Variants in PDE11A observed in about 807,000 individuals in gnomAD.
PDE11A encodes the protein phosphodiesterase 11A, also known as dual 3',5'-cyclic-AMP and -GMP phosphodiesterase 11A.
PDE11A carries 100 observed loss-of-function variants against 100.5 expected under a neutral mutation model. The observed-to-expected ratio is 1.00, with a 90% CI of 0.85 to 1.18. The LOEUF is 1.18. Ranked by LOEUF, PDE11A falls within the 50% of genes most tolerant of loss-of-function variation. PDE11A has a pLI of 0.00. For missense variants in PDE11A, 1,141 were observed against 1,152.6 expected (o/e 0.99, Z 0.15); for synonymous variants, 381 against 420.8 (o/e 0.91, Z 1.16).
chr2:178,054,372 T>A (rs932971039), intron 1 of PDE11A, among the ~76,000 whole-genome samples: 4 of 152,216 alleles, frequency 2.6e-5, no homozygotes, highest in Non-Finnish European at 5.9e-5. Context: ...GACTTAAATG[T>A]TTGACCTAAA....
intron 19 of PDE11A, among the ~76,000 whole-genome samples, chr2:177,641,900 G>C (rs778230164): frequency 6.6e-6 from 1 of 152,116 alleles, no homozygotes; most frequent in Non-Finnish European, 1.5e-5. Context: ...GCTTCATATA[G>C]TTTATCTCAT....
At chr2:177,831,832 G>A (rs1460649381) in intron 6 of PDE11A, among the ~76,000 whole-genome samples, 1 of 152,172 alleles carries the variant, frequency 6.6e-6, no homozygotes, top group African/African-American at 2.4e-5. Flanking sequence ...AACTGATGCA[G>A]GGATTGTAAA....
Position 177,624,622 on chromosome 2 carries a change from T to C in PDE11A, c.*4785A>G, listed in dbSNP as rs1259014196. 1 of 152,232 alleles carries C rather than the reference T, an allele frequency of 6.6e-6. No individual in the cohort carries two copies. The highest frequency in any genetic ancestry group is 6.5e-5 in the Admixed American group (1 of 15,280). The allele number at this position is 152,232 out of a possible 1,614,324, so 9.4% of individuals were successfully genotyped here. ...ACCCAATGTATTTGCAAATATACAA[T>C]ACCTGGAAATGCATAGACATCTCAG... On this transcript the variant is annotated 3_prime_UTR_variant, in exon 20 of 20. Coordinates refer to ENST00000286063, the MANE Select transcript of PDE11A (RefSeq NM_016953.4).
intron 2 of PDE11A, among the ~76,000 whole-genome samples, chr2:177,916,157 G>A (rs1418366119): frequency 6.6e-6 from 1 of 152,034 alleles, no homozygotes; most frequent in African/African-American, 2.4e-5. Context: ...ATATTCCCGG[G>A]TTCAGTCTTT....
chr2:177,963,379 C>T (rs1391769274), intron 2 of PDE11A, among the ~76,000 whole-genome samples: 1 of 151,886 alleles, frequency 6.6e-6, no homozygotes, highest in African/African-American at 2.4e-5. Flanking sequence ...GATATGGTGA[C>T]CTACACTCCT....
chr2:177,685,137 G>A (rs1258040211), intron 15 of PDE11A, among the ~76,000 whole-genome samples: 1 of 152,180 alleles, frequency 6.6e-6, no homozygotes, highest in Non-Finnish European at 1.5e-5. Flanking sequence ...ACATGTAGTA[G>A]AAGCTCAATA....
chr2:178,057,541 G>T (rs2086913170), intron 1 of PDE11A, among the ~76,000 whole-genome samples: 1 of 152,154 alleles, frequency 6.6e-6, no homozygotes, highest in Admixed American at 6.5e-5. Flanking sequence ...TTGCCCAAAA[G>T]ATATCACCAC....
At position 177,628,472 on chromosome 2, in the gene PDE11A, A is replaced by G. The variant is rs2079869240; in HGVS notation, c.*935T>C. The G allele has an allele frequency of 6.6e-6, 1 of 152,644 alleles. No homozygotes were observed. The highest frequency in any genetic ancestry group is 1.5e-5 in the Non-Finnish European group (1 of 68,030). The allele number at this position is 152,644 out of a possible 1,614,324, so 9.5% of individuals were successfully genotyped here. On this transcript the variant is annotated 3_prime_UTR_variant, in exon 20 of 20. Coordinates refer to ENST00000286063, the MANE Select transcript of PDE11A (RefSeq NM_016953.4). ...TCTTACACTTAAGGAAAAATCCAAAATTAGGGACCCCTATAGTTTGCTTTA... is the reference window on the plus strand; with the variant it reads ...TCTTACACTTAAGGAAAAATCCAAAGTTAGGGACCCCTATAGTTTGCTTTA...
intron 12 of PDE11A, among the ~76,000 whole-genome samples, chr2:177,717,423 G>A (rs1476059932): frequency 2.6e-5 from 4 of 151,892 alleles, no homozygotes; most frequent in African/African-American, 7.3e-5. Flanking sequence ...ACAGAGAGGC[G>A]GCAGGAAGTA....
At chr2:178,103,845 C>T (rs1291686444) in intron 2 of PDE11A, among the ~76,000 whole-genome samples, 1 of 152,038 alleles carries the variant, frequency 6.6e-6, no homozygotes, top group African/African-American at 2.4e-5. Flanking sequence ...ATAGTGTAGT[C>T]TTTTCCAACC....
chr2:178,087,058 T>C (rs111595369), intron 2 of PDE11A, among the ~76,000 whole-genome samples: 16,649 of 152,178 alleles, frequency 0.11, 946 homozygotes, highest in African/African-American at 0.13. Flanking sequence ...AAATGTCAGC[T>C]GGGCGCTGTG....
At chr2:177,959,999 C>T (rs1304081406) in intron 2 of PDE11A, among the ~76,000 whole-genome samples, 1 of 152,086 alleles carries the variant, frequency 6.6e-6, no homozygotes, top group Non-Finnish European at 1.5e-5. Flanking sequence ...TCCCAGCTTA[C>T]ACAGCAATGT....
At chr2:177,634,645 C>T (rs1428091660) in intron 19 of PDE11A, among the ~76,000 whole-genome samples, 4 of 152,172 alleles carry the variant, frequency 2.6e-5, no homozygotes, top group African/African-American at 9.6e-5. Context: ...GCCTCCGCCT[C>T]CCAAAGTGCT....
chr2:177,733,837 C>T (rs2081730231), intron 10 of PDE11A, among the ~76,000 whole-genome samples: 1 of 152,218 alleles, frequency 6.6e-6, no homozygotes. Flanking sequence ...TATACTCACT[C>T]ATTTGATGTT....
intron 2 of PDE11A, among the ~76,000 whole-genome samples, chr2:177,923,190 T>A (rs181563216): frequency 0.011 from 1,715 of 151,808 alleles, 32 homozygotes; most frequent in African/African-American, 0.039. Context: ...TTAATTTTTT[T>A]AAAAAATACA....
intron 17 of PDE11A, among the ~76,000 whole-genome samples, chr2:177,670,923 C>A (rs1309477925): frequency 2.6e-5 from 4 of 152,220 alleles, no homozygotes; most frequent in Non-Finnish European, 5.9e-5. Context: ...CCCCTTCACC[C>A]CAGCCTCTTG....
chr2:178,014,352 C>T lies in PDE11A; in HGVS notation c.1021G>A (p.Ala341Thr). Residue 341 changes from alanine (A) to threonine (T), a missense_variant, in exon 2 of 20, where the codon GCG (alanine) becomes ACG (threonine). Coordinates refer to ENST00000286063, the MANE Select transcript of PDE11A (RefSeq NM_016953.4). The part of the protein sequence containing the change: ...SDGEIIGVAQ[A>T]INKIPEGAPF... ...GCTCCTTCAGGAATCTTATTTATCG[C>T]TTGGGCCACACCAATAATCTCACCA... 2.5e-6 allele frequency: 4 copies of T among 1,613,106 alleles called. No homozygotes were observed. Among genetic ancestry groups the T allele is most frequent in the Non-Finnish European group, 3.4e-6 (4 of 1,179,118 alleles).
intron 9 of PDE11A, among the ~76,000 whole-genome samples, chr2:177,810,684 A>T (rs2082937496): frequency 1.3e-5 from 2 of 152,024 alleles, no homozygotes; most frequent in South Asian, 4.1e-4. Context: ...TTGGTATGAG[A>T]TTTCTGAGGG....
chr2:177,760,379 T>C, intron 10 of PDE11A, among the ~76,000 whole-genome samples: 1 of 152,210 alleles, frequency 6.6e-6, no homozygotes, highest in East Asian at 1.9e-4. Context: ...ATGAGTATTA[T>C]TATATTATAT....
Sources: allele counts gnomAD v4.1 joint callset (sites outside exome capture counted in the v4.1 genomes callset), GRCh38; gene constraint gnomAD v4.1.1; transcripts MANE v1.5; gene names NCBI Gene and HGNC (gene_info 2026-07-23, HGNC 2026-07-21).